Variants in NSF observed in about 807,000 individuals in gnomAD.
The protein encoded by NSF is N-ethylmaleimide sensitive factor, vesicle fusing ATPase, also known as vesicle-fusing ATPase.
In NSF, 14 loss-of-function variants were observed where a neutral mutation model predicts 50.3. The ratio of observed to expected loss-of-function variants is 0.28; its 90% CI spans 0.18 to 0.44. NSF has a LOEUF of 0.44. Ranked by LOEUF, NSF falls within the 20% of genes least tolerant of loss-of-function variation. The pLI is 1.00. For missense variants in NSF, 218 were observed against 504.3 expected, an observed-to-expected ratio of 0.43 and a Z score of 5.44; for synonymous variants, 109 against 175.7, an observed-to-expected ratio of 0.62 and a Z score of 3.00.
At chr17:46,728,034 C>T (rs1598721035) in intron 16 of NSF, among the ~76,000 whole-genome samples, 1 of 151,900 alleles carries the variant, frequency 6.6e-6, no homozygotes, top group South Asian at 2.1e-4. Context: ...CCACTGTTCT[C>T]ATCAGGTGGA....
chr17:46,711,014 A>C lies in NSF; in HGVS notation c.1522A>C (p.Ile508Leu). 6.3e-7 allele frequency: 1 copy of C among 1,594,848 alleles called. No individual in the cohort carries two copies. Among genetic ancestry groups the C allele is most frequent in the Non-Finnish European group, 8.5e-7 (1 of 1,174,058 alleles). ...DYASYIMNGI[I>L]KWGDPVTRVL... ...TGCAAGTTACATTATGAACGGTATC[A>C]TCAAATGGGGTGACCCAGTTACTCG... Residue 508 changes from isoleucine (I) to leucine (L), a missense_variant, in exon 14 of 21, where the codon ATC becomes CTC. Around this residue, in one of 2 missense-constraint regions of NSF, gnomAD observed 209 missense variants for 320.9 expected, o/e 0.65. Coordinates refer to ENST00000398238, the MANE Select transcript of NSF (RefSeq NM_006178.4).
At chr17:46,707,663 C>T (rs1268820334) in intron 13 of NSF, among the ~76,000 whole-genome samples, 2 of 152,072 alleles carry the variant, frequency 1.3e-5, no homozygotes, top group Non-Finnish European at 1.5e-5. Context: ...GCTTATTTGA[C>T]GTAGCATAAT....
intron 17 of NSF, among the ~76,000 whole-genome samples, chr17:46,739,808 C>T (rs1325551129): frequency 2.0e-5 from 3 of 152,020 alleles, no homozygotes; most frequent in Non-Finnish European, 4.4e-5. Flanking sequence ...AAGCAATTCT[C>T]ATGCCTCAGC....
intron 15 of NSF, among the ~76,000 whole-genome samples, chr17:46,718,358 G>A (rs1386223133): frequency 6.6e-6 from 1 of 152,000 alleles, no homozygotes; most frequent in Non-Finnish European, 1.5e-5. Context: ...ATTATGTATA[G>A]ATCAAAATAA....
In NSF at chr17:46,695,261, A is replaced by G. The variant is rs575610311; in HGVS notation, c.1374+599A>G. Among the ~76,000 whole-genome samples the G allele has an allele frequency of 2.1e-5, 3 of 146,336 alleles. No homozygotes were observed. In the South Asian group the frequency reaches 6.7e-4, roughly 33 times the overall value. On this transcript the variant is annotated intron_variant, in intron 12 of 20. Transcript: ENST00000398238. ...ATTCCGTCTCCAAAAAAAAAAAAAA[A>G]GTTGTAATATGTCAGAGGAAGTGGG...
At chr17:46,741,303 T>C (rs1421096911) in intron 17 of NSF, among the ~76,000 whole-genome samples, 1 of 152,206 alleles carries the variant, frequency 6.6e-6, no homozygotes, top group Non-Finnish European at 1.5e-5. Context: ...TTTTCACAAA[T>C]TGGAATTAGA....
intron 17 of NSF, among the ~76,000 whole-genome samples, chr17:46,735,877 G>A (rs1013318354): frequency 6.6e-6 from 1 of 152,124 alleles, no homozygotes; most frequent in African/African-American, 2.4e-5. Context: ...CCCAGGAGGC[G>A]GAGTTTGCAG....
rs1163315237 is a variant in NSF, at chr17:46,718,762, G to A, written c.1761+4776G>A. Among the ~76,000 whole-genome samples, 7 of 152,278 alleles carry A rather than the reference G, an allele frequency of 4.6e-5. No individual in the cohort carries two copies. The East Asian group carries it at 5.8e-4, about 13-fold the overall frequency. ...ATAATATTAATAGCTGCATTATAGG[G>A]TTATGAGAATTAGATGGTAATTTCT... On this transcript the variant is annotated intron_variant, in intron 15 of 20. Transcript: ENST00000398238.
intron 13 of NSF, among the ~76,000 whole-genome samples, chr17:46,709,193 C>G (rs2058692853): frequency 6.6e-6 from 1 of 152,040 alleles, no homozygotes; most frequent in Admixed American, 6.6e-5. Flanking sequence ...ATTTGGTTAG[C>G]CCTGTCTTTT....
At chr17:46,753,941 T>G (rs2059208567) in intron 19 of NSF, among the ~76,000 whole-genome samples, 1 of 152,190 alleles carries the variant, frequency 6.6e-6, no homozygotes, top group Admixed American at 6.5e-5. Flanking sequence ...GCTATTCTGT[T>G]AAAACTTGCA....
chr17:46,635,243 T>C (rs1286988707), intron 4 of NSF, among the ~76,000 whole-genome samples: 1 of 142,748 alleles, frequency 7.0e-6, no homozygotes, highest in African/African-American at 2.6e-5. Context: ...CAGGTGGATT[T>C]CTTTGAAATG....
chr17:46,746,138 G>A (rs142414956), intron 17 of NSF, among the ~76,000 whole-genome samples: 1 of 152,182 alleles, frequency 6.6e-6, no homozygotes, highest in Non-Finnish European at 1.5e-5. Context: ...TGGAAGGTCT[G>A]TTGCATATTC....
In NSF at chr17:46,713,943, T is replaced by G; in HGVS notation, c.1718T>G (p.Met573Arg). The G allele has an allele frequency of 6.2e-7, 1 of 1,605,938 alleles. No homozygotes were observed. Among genetic ancestry groups the G allele is most frequent in the Non-Finnish European group, 8.5e-7 (1 of 1,178,198 alleles). ...PFIKICSPDK[M>R]IGFSETAKCQ... The stretch of plus-strand genomic sequence containing the variant: ...ATCAAGATCTGTTCTCCTGATAAAA[T>G]GATTGGCTTTTCTGAAACAGCCAAA... The change falls in exon 15 of 21, where the codon ATG becomes AGG. Residue 573 changes from methionine to arginine, a missense_variant. This residue lies in a region of NSF where 209 missense variants were observed against 320.9 expected (regional missense o/e 0.65). Transcript: ENST00000398238.
chr17:46,737,539 T>G (rs567233603), intron 17 of NSF, among the ~76,000 whole-genome samples: 1 of 150,600 alleles, frequency 6.6e-6, no homozygotes, highest in East Asian at 2.0e-4. Flanking sequence ...AGATGATTGC[T>G]TTTTTCTAAT....
At chr17:46,707,535 T>C (rs2058668425) in intron 13 of NSF, among the ~76,000 whole-genome samples, 1 of 152,116 alleles carries the variant, frequency 6.6e-6, no homozygotes, top group African/African-American at 2.4e-5. Flanking sequence ...AAATAATAAC[T>C]CTTTTTTCCC....
chr17:46,734,814 T>C (rs542768925), intron 17 of NSF, among the ~76,000 whole-genome samples: 1 of 152,258 alleles, frequency 6.6e-6, no homozygotes, highest in South Asian at 2.1e-4. Flanking sequence ...CCTAGCACTT[T>C]GAGAGGCCAA....
Position 46,749,723 on chromosome 17 carries a change from C to G in NSF, c.1909-50C>G, listed in dbSNP as rs761445112. Reference sequence around the variant, plus strand: ...TTGTGTTCAAGCTTACTGTAGTTTCCTAATTAGTCTTATTATGTACATTTT... The same window carrying G: ...TTGTGTTCAAGCTTACTGTAGTTTCGTAATTAGTCTTATTATGTACATTTT... On this transcript the variant is annotated intron_variant, in intron 17 of 20. Transcript: ENST00000398238. 9 of 1,503,338 alleles carry G rather than the reference C, an allele frequency of 6.0e-6. No homozygotes were observed. In the South Asian group the frequency reaches 1.1e-4, roughly 18 times the overall value. The allele number at this position is 1,503,338 out of a possible 1,614,324, so 93.1% of individuals were successfully genotyped here. A position where few individuals can be genotyped will look rare whatever the true frequency, so the allele number is the denominator to read the frequency against.
intron 14 of NSF, chr17:46,713,388 A>G (rs1329043418): frequency 6.5e-6 from 1 of 154,820 alleles, no homozygotes; most frequent in Non-Finnish European, 1.4e-5. Context: ...GCTTGCCTTT[A>G]TGAGAAGGCC....
intron 15 of NSF, among the ~76,000 whole-genome samples, chr17:46,715,529 TA>T (rs780297829): frequency 2.0e-5 from 3 of 152,236 alleles, no homozygotes; most frequent in Non-Finnish European, 4.4e-5. Context: ...TTGCAGATGG[TA>T]AATTACTCCA....
Sources: allele counts gnomAD v4.1 joint callset (sites outside exome capture counted in the v4.1 genomes callset), GRCh38; gene constraint gnomAD v4.1.1; regional missense constraint gnomAD v4.1.1; transcripts MANE v1.5; gene names NCBI Gene and HGNC (gene_info 2026-07-23, HGNC 2026-07-21).